The following OSBPL8 variants were observed in gnomAD, a reference collection of about 807,000 sequenced individuals.
OSBPL8 encodes oxysterol-binding protein-related protein 8.
In OSBPL8, 59 loss-of-function variants were observed where a neutral mutation model predicts 125.5. That is an observed-to-expected ratio of 0.47 (90% CI 0.38 to 0.58). The LOEUF is 0.58. Ranked by LOEUF, OSBPL8 falls within the 20% of genes least tolerant of loss-of-function variation. The pLI is 0.00. For synonymous variants in OSBPL8, 330 were observed against 338.9 expected (o/e 0.97, Z 0.29); for missense variants, 758 against 1,047.8 (o/e 0.72, Z 3.82).
intron 4 of OSBPL8, among the ~76,000 whole-genome samples, chr12:76,450,363 C>T (rs1288299648): frequency 3.3e-5 from 5 of 152,146 alleles, no homozygotes; most frequent in African/African-American, 1.2e-4. Flanking sequence ...CCATTACCAA[C>T]CTTCTCAATC....
chr12:76,369,556 T>C, intron 20 of OSBPL8, 81 bp downstream of exon 20: 1 of 1,450,812 alleles, frequency 6.9e-7, no homozygotes, highest in Non-Finnish European at 9.3e-7. Flanking sequence ...TAAAAACTAC[T>C]CCAGCAACAA....
intron 4 of OSBPL8, among the ~76,000 whole-genome samples, chr12:76,421,328 G>A (rs1218931321): frequency 1.3e-5 from 2 of 151,978 alleles, no homozygotes; most frequent in Non-Finnish European, 2.9e-5. Context: ...TAAGAAAGAC[G>A]CATGAGAGCA....
intron 12 of OSBPL8, among the ~76,000 whole-genome samples, chr12:76,387,798 C>T (rs568212209): frequency 2.2e-4 from 33 of 152,142 alleles, no homozygotes; most frequent in African/African-American, 7.7e-4. Flanking sequence ...GCTCTCTTTC[C>T]ATCTTGGTTT....
chr12:76,396,759 C>T (rs1452611844), intron 8 of OSBPL8, among the ~76,000 whole-genome samples: 1 of 152,024 alleles, frequency 6.6e-6, no homozygotes, highest in Non-Finnish European at 1.5e-5. Flanking sequence ...CTAAAAAACA[C>T]ACATACATAC....
At chr12:76,366,392 C>T (rs1208002935) in intron 21 of OSBPL8, among the ~76,000 whole-genome samples, 3 of 152,088 alleles carry the variant, frequency 2.0e-5, no homozygotes, top group African/African-American at 7.2e-5. Context: ...AGTAACATCC[C>T]CACTTTAATT....
At chr12:76,396,930 G>A (rs77811772) in intron 8 of OSBPL8, among the ~76,000 whole-genome samples, 2,005 of 151,830 alleles carry the variant, frequency 0.013, 32 homozygotes, top group African/African-American at 0.042. Flanking sequence ...TCCTCCCACC[G>A]CAGACTCCTG....
At chr12:76,359,796 A>G (rs1177320803) in intron 21 of OSBPL8, among the ~76,000 whole-genome samples, 1 of 152,208 alleles carries the variant, frequency 6.6e-6, no homozygotes, top group East Asian at 1.9e-4. Flanking sequence ...CCACGAGAAC[A>G]ATATGGGGGA....
intron 1 of OSBPL8, among the ~76,000 whole-genome samples, chr12:76,523,389 C>A (rs1950075794): frequency 1.3e-5 from 2 of 152,032 alleles, no homozygotes; most frequent in Admixed American, 1.3e-4. Context: ...TCCATAGAGT[C>A]AAAGGGAAAA....
chr12:76,554,186 C>T (rs2137528649), intron 1 of OSBPL8, among the ~76,000 whole-genome samples: 1 of 152,016 alleles, frequency 6.6e-6, no homozygotes, highest in South Asian at 2.1e-4. Context: ...ATTTGCTTTA[C>T]TCTAAGTATT....
At chr12:76,488,102 A>G (rs1878349798) in intron 1 of OSBPL8, among the ~76,000 whole-genome samples, 1 of 152,218 alleles carries the variant, frequency 6.6e-6, no homozygotes, top group Non-Finnish European at 1.5e-5. Flanking sequence ...CAGATATACA[A>G]ATGCCCAGAA....
chr12:76,542,152 CAA>C (rs1490360825), intron 1 of OSBPL8, among the ~76,000 whole-genome samples: 3 of 152,152 alleles, frequency 2.0e-5, no homozygotes, highest in Non-Finnish European at 2.9e-5. Context: ...GCCTGGGAAA[CAA>C]GAGCGAAACT....
At chr12:76,468,310 C>T (rs1265832628) in intron 2 of OSBPL8, among the ~76,000 whole-genome samples, 5 of 152,170 alleles carry the variant, frequency 3.3e-5, no homozygotes, top group African/African-American at 1.2e-4. Context: ...AATTATCCAT[C>T]CCACAGAAAT....
intron 1 of OSBPL8, among the ~76,000 whole-genome samples, chr12:76,541,484 T>A (rs752347609): frequency 1.3e-4 from 19 of 151,140 alleles, no homozygotes; most frequent in Non-Finnish European, 1.2e-4. Flanking sequence ...TCTCAAAAAA[T>A]AATAATAATA....
At chr12:76,508,844 C>A (rs1294316259) in intron 1 of OSBPL8, among the ~76,000 whole-genome samples, 1 of 152,164 alleles carries the variant, frequency 6.6e-6, no homozygotes, top group East Asian at 1.9e-4. Context: ...AATTACCCAC[C>A]CCTTTCCCAG....
chr12:76,386,383 A>C (rs2136273509), intron 13 of OSBPL8, 117 bp from the exon 14 acceptor site: 1 of 1,376,236 alleles, frequency 7.3e-7, no homozygotes, highest in African/African-American at 1.5e-5. Context: ...TAAAATTTCA[A>C]AGTAAATAAA....
intron 1 of OSBPL8, among the ~76,000 whole-genome samples, chr12:76,558,220 C>A (rs1024991913): frequency 1.3e-5 from 2 of 152,128 alleles, no homozygotes; most frequent in Non-Finnish European, 2.9e-5. Flanking sequence ...CTATTCCAAC[C>A]TATTTTATAA....
intron 21 of OSBPL8, among the ~76,000 whole-genome samples, chr12:76,367,229 GGTGT>G (rs71311108): frequency 1.8e-3 from 271 of 147,274 alleles, no homozygotes; most frequent in African/African-American, 5.4e-3. Flanking sequence ...TTTGTTGATT[GGTGT>G]GTGTGTGTGT....
chr12:76,411,819 G>C (rs1050258835), intron 4 of OSBPL8, among the ~76,000 whole-genome samples: 2 of 152,050 alleles, frequency 1.3e-5, no homozygotes, highest in African/African-American at 4.8e-5. Flanking sequence ...CCTATAATGA[G>C]ACAGAAACCT....
At chr12:76,536,411 ATAAT>A (rs1470793286) in intron 1 of OSBPL8, among the ~76,000 whole-genome samples, 1 of 152,164 alleles carries the variant, frequency 6.6e-6, no homozygotes, top group African/African-American at 2.4e-5. Flanking sequence ...TGTAACTGAG[ATAAT>A]TAATTTTGTC....
Sources: gnomAD v4.1 joint callset for allele counts (sites outside exome capture counted in the v4.1 genomes callset) on GRCh38, gnomAD v4.1.1 for gene constraint, MANE v1.5 for transcripts, NCBI Gene and HGNC (gene_info 2026-07-23, HGNC 2026-07-21) for gene names.